The following AGBL4 variants were observed in gnomAD, a reference collection of about 807,000 sequenced individuals.
AGBL4 encodes the protein AGBL carboxypeptidase 4, also known as cytosolic carboxypeptidase 6.
In AGBL4, 58 loss-of-function variants were observed where a neutral mutation model predicts 66.4. That is an observed-to-expected ratio of 0.87 (90% CI 0.71 to 1.09). The LOEUF (loss-of-function observed/expected upper bound fraction) is 1.09, where lower values mean the gene tolerates loss of function less well. Among genes scored for constraint, AGBL4 ranks in the 50% least tolerant of loss-of-function variants. The pLI is 0.00. For missense variants in AGBL4, 579 were observed against 631.0 expected (o/e 0.92, Z 0.88); for synonymous variants, 234 against 222.9 (o/e 1.05, Z -0.44).
chr1:48,790,206 A>G (rs1246806223), intron 6 of AGBL4, among the ~76,000 whole-genome samples: 1 of 152,142 alleles, frequency 6.6e-6, no homozygotes, highest in Non-Finnish European at 1.5e-5. Flanking sequence ...TACCAGCACT[A>G]TTCATGTGTT....
intron 6 of AGBL4, chr1:48,759,129 A>T (rs1448230395): frequency 6.2e-7 from 1 of 1,613,532 alleles, no homozygotes; most frequent in Admixed American, 1.7e-5. Flanking sequence ...CATCTTCTAG[A>T]CTGTCCATGT....
At chr1:49,652,646 G>C (rs921733529) in intron 3 of AGBL4, among the ~76,000 whole-genome samples, 1 of 152,156 alleles carries the variant, frequency 6.6e-6, no homozygotes, top group East Asian at 1.9e-4. Flanking sequence ...TTCCCCTGCT[G>C]CCAGTGCCAG....
intron 1 of AGBL4, among the ~76,000 whole-genome samples, chr1:49,947,863 A>G (rs1023443811): frequency 1.3e-4 from 18 of 143,196 alleles, no homozygotes; most frequent in African/African-American, 4.2e-4. Flanking sequence ...TACAACATCA[A>G]TGTACACAAA....
intron 1 of AGBL4, among the ~76,000 whole-genome samples, chr1:49,926,198 T>C (rs1451226518): frequency 6.6e-6 from 1 of 152,200 alleles, no homozygotes; most frequent in Non-Finnish European, 1.5e-5. Context: ...GTTCTGCTTA[T>C]TTTAGAGAAA....
chr1:49,406,625 T>C (rs560131495), intron 3 of AGBL4, among the ~76,000 whole-genome samples: 1 of 152,298 alleles, frequency 6.6e-6, no homozygotes, highest in East Asian at 1.9e-4. Context: ...ACAGGTAATA[T>C]AAGCTCAACT....
At chr1:49,658,317 C>T (rs1646192597) in intron 3 of AGBL4, among the ~76,000 whole-genome samples, 1 of 152,166 alleles carries the variant, frequency 6.6e-6, no homozygotes, top group East Asian at 1.9e-4. Flanking sequence ...GATATCATCT[C>T]ACACAAGTTA....
intron 3 of AGBL4, among the ~76,000 whole-genome samples, chr1:49,647,851 A>AC (rs1336786191): frequency 7.0e-6 from 1 of 142,780 alleles, no homozygotes; most frequent in Non-Finnish European, 1.5e-5. Flanking sequence ...GTATGGACTG[A>AC]CCCAAAAAAA....
At chr1:49,773,996 G>A (rs145126445) in intron 2 of AGBL4, among the ~76,000 whole-genome samples, 4 of 152,314 alleles carry the variant, frequency 2.6e-5, no homozygotes, top group South Asian at 2.1e-4. Context: ...ACTGTGGCAC[G>A]TAAGCGGTAG....
chr1:49,201,488 C>G (rs1647696325), intron 4 of AGBL4, among the ~76,000 whole-genome samples: 1 of 152,160 alleles, frequency 6.6e-6, no homozygotes, highest in African/African-American at 2.4e-5. Flanking sequence ...TCATGTTCCA[C>G]TTTGTCAAAG....
intron 3 of AGBL4, among the ~76,000 whole-genome samples, chr1:49,639,012 G>A (rs1018197444): frequency 6.6e-6 from 1 of 152,124 alleles, no homozygotes; most frequent in African/African-American, 2.4e-5. Context: ...CCAACACAAA[G>A]TGCCCTAATA....
chr1:49,650,572 T>C (rs1645982530), intron 3 of AGBL4, among the ~76,000 whole-genome samples: 1 of 152,184 alleles, frequency 6.6e-6, no homozygotes, highest in African/African-American at 2.4e-5. Context: ...TGTGGGCCAT[T>C]GCTCTTCCTG....
intron 5 of AGBL4, among the ~76,000 whole-genome samples, chr1:49,004,801 C>T (rs139073835): frequency 6.6e-6 from 1 of 152,224 alleles, no homozygotes; most frequent in African/African-American, 2.4e-5. Flanking sequence ...AACTTCACCT[C>T]AGAAAAAGCA....
chr1:48,759,788 C>T (rs1158675516), intron 6 of AGBL4, among the ~76,000 whole-genome samples: 2 of 152,170 alleles, frequency 1.3e-5, no homozygotes, highest in Non-Finnish European at 2.9e-5. Flanking sequence ...AACTTTTCAT[C>T]GACAATGCTT....
chr1:48,551,902 G>A (rs183526023), intron 11 of AGBL4, among the ~76,000 whole-genome samples: 43 of 152,198 alleles, frequency 2.8e-4, no homozygotes, highest in Middle Eastern at 3.4e-3. Flanking sequence ...CTTTTGAAGA[G>A]AAGCCAAGTT....
At chr1:49,269,525 T>C (rs552572621) in intron 3 of AGBL4, among the ~76,000 whole-genome samples, 4 of 152,276 alleles carry the variant, frequency 2.6e-5, no homozygotes, top group Admixed American at 1.3e-4. Context: ...CTGACACTTT[T>C]AAAGGTCTGA....
chr1:48,826,407 C>T (rs1309870139), intron 6 of AGBL4, among the ~76,000 whole-genome samples: 1 of 152,232 alleles, frequency 6.6e-6, no homozygotes, highest in African/African-American at 2.4e-5. Flanking sequence ...GGCCAGAGAA[C>T]TGGCACACAT....
intron 8 of AGBL4, among the ~76,000 whole-genome samples, chr1:48,640,195 T>A (rs989731275): frequency 6.6e-6 from 1 of 152,166 alleles, no homozygotes; most frequent in Non-Finnish European, 1.5e-5. Context: ...TTCTAGAAAA[T>A]GCAAATATAT....
intron 1 of AGBL4, among the ~76,000 whole-genome samples, chr1:49,905,780 G>A (rs1028245848): frequency 1.7e-4 from 26 of 152,076 alleles, no homozygotes; most frequent in African/African-American, 5.3e-4. Context: ...TTATTAATAT[G>A]ACCAATAATT....
At chr1:49,732,589 A>C (rs1438323786) in intron 2 of AGBL4, among the ~76,000 whole-genome samples, 1 of 152,224 alleles carries the variant, frequency 6.6e-6, no homozygotes, top group African/African-American at 2.4e-5. Flanking sequence ...AAATTATAAA[A>C]TAACCAAATG....
Sources: allele counts gnomAD v4.1 joint callset (sites outside exome capture counted in the v4.1 genomes callset), GRCh38; gene constraint gnomAD v4.1.1; transcripts MANE v1.5; gene names NCBI Gene and HGNC (gene_info 2026-07-23, HGNC 2026-07-21).